ZNF558: variants seen among roughly 807,000 people sequenced by gnomAD.
ZNF558 encodes the protein zinc finger protein 558.
Under a neutral mutation model 37.6 loss-of-function variants are expected in ZNF558, and 23 were observed. The observed-to-expected ratio is 0.61, with a 90% CI of 0.44 to 0.87. The LOEUF (loss-of-function observed/expected upper bound fraction) is 0.87. Among genes scored for constraint, ZNF558 ranks in the 40% least tolerant of loss-of-function variants. The pLI, the probability that ZNF558 is intolerant of heterozygous loss-of-function variation, is 0.00. For missense variants in ZNF558, 429 were observed against 483.7 expected (o/e 0.89, Z 1.06); for synonymous variants, 189 against 174.4 (o/e 1.08, Z -0.66).
At position 8,832,215 on chromosome 19, in the gene ZNF558, C is replaced by T. The variant is rs1368640880; in HGVS notation, c.-599G>A. ...GCCCCCGCCAGTCGCTCACCGAGCC[C>T]GGCCCCTCCCGCGGGGCCAAAAGCG... On this transcript the variant is annotated 5_prime_UTR_variant, in exon 1 of 10. Transcript: ENST00000601372. 6.6e-6 allele frequency: 1 copy of T among 152,192 alleles called. No individual in the cohort carries two copies. Among genetic ancestry groups the T allele is most frequent in the African/African-American group, 2.4e-5 (1 of 41,456 alleles). The allele number at this position is 152,192 out of a possible 1,614,324, so 9.4% of individuals were successfully genotyped here.
rs996181488 is a variant in ZNF558 at position 8,822,278 on chromosome 19, C to A, written c.32-187G>T. On this transcript the variant is annotated intron_variant, in intron 5 of 9. Coordinates refer to ENST00000601372, the MANE Select transcript of ZNF558 (RefSeq NM_144693.3). The surrounding 1 kb of genome is among the most constrained non-coding windows in gnomAD (Gnocchi z 4.4). ...CCAAACACAGCCCTGTCTCACCAACCAAAGACAATAGGGCTCAAGGTCTGA... is the reference window on the plus strand; with the variant it reads ...CCAAACACAGCCCTGTCTCACCAACAAAAGACAATAGGGCTCAAGGTCTGA... 1.3e-5 allele frequency among the ~76,000 whole-genome samples: 2 copies of A among 152,174 alleles called. No individual in the cohort carries two copies. Among genetic ancestry groups the A allele is most frequent in the South Asian group, 2.1e-4 (1 of 4,828 alleles).
chr19:8,833,812 AC>A (rs1403177187), upstream of ZNF558, among the ~76,000 whole-genome samples: 1 of 152,018 alleles, frequency 6.6e-6, no homozygotes, highest in Non-Finnish European at 1.5e-5. Flanking sequence ...ACATGGTGAA[AC>A]CCCGTCTCTA....
chr19:8,818,163 G>A (rs2145225364), intron 7 of ZNF558, among the ~76,000 whole-genome samples: 1 of 152,240 alleles, frequency 6.6e-6, no homozygotes, highest in Non-Finnish European at 1.5e-5. Context: ...AATTAAAAAT[G>A]AGTAACAGGG....
intron 7 of ZNF558, among the ~76,000 whole-genome samples, chr19:8,819,588 C>T (rs1214579611): frequency 1.3e-5 from 2 of 152,112 alleles, no homozygotes; most frequent in Non-Finnish European, 2.9e-5. Flanking sequence ...ATTTGGTACC[C>T]AGAATATAAA....
Position 8,811,302 on chromosome 19 carries a change from T to A in ZNF558, c.1188A>T (p.Arg396Ser), listed in dbSNP as rs782581392. The part of the protein sequence containing the change: ...TSNSYLSVHK[R>S]IHNRWI ...TAATTCATATCCATCTATTATGTAT[T>A]CTCTTGTGCACAGAAAGATAGGAGT... is the stretch of plus-strand genomic sequence containing the variant. The change falls in exon 10 of 10, where the codon AGA becomes AGT. Residue 396 changes from arginine (R) to serine (S), a missense_variant. Coordinates refer to ENST00000601372, the MANE Select transcript of ZNF558 (RefSeq NM_144693.3). 10 of 1,586,180 alleles carry A rather than the reference T, an allele frequency of 6.3e-6. No individual in the cohort carries two copies. Among genetic ancestry groups the A allele is most frequent in the Non-Finnish European group, 4.3e-6 (5 of 1,167,998 alleles).
chr19:8,811,253 G>T lies in ZNF558; in HGVS notation c.*28C>A. ...TCTTAGGGATGAAAGATCAATGAGTGCTTTCCTCCAGAAGTTCCTGCAGTA... is the reference window on the plus strand; with the variant it reads ...TCTTAGGGATGAAAGATCAATGAGTTCTTTCCTCCAGAAGTTCCTGCAGTA... On this transcript the variant is annotated 3_prime_UTR_variant, in exon 10 of 10. Coordinates refer to ENST00000601372, the MANE Select transcript of ZNF558 (RefSeq NM_144693.3). The T allele has an allele frequency of 6.5e-7, 1 of 1,527,354 alleles. No homozygotes were observed. Among genetic ancestry groups the T allele is most frequent in the Non-Finnish European group, 8.8e-7 (1 of 1,138,006 alleles). 94.6% of individuals were successfully genotyped at this position (1,527,354 alleles called of 1,614,324 possible).
chr19:8,837,775 T>C, the ZNF558 span, among the ~76,000 whole-genome samples: 1 of 152,190 alleles, frequency 6.6e-6, no homozygotes. Flanking sequence ...AACTAGTAGC[T>C]TCCACCTAAC....
chr19:8,828,575 C>T (rs1021418181), intron 2 of ZNF558, among the ~76,000 whole-genome samples: 12 of 152,184 alleles, frequency 7.9e-5, no homozygotes, highest in African/African-American at 2.9e-4. Flanking sequence ...ACATCCTTGC[C>T]CTTTTAAGTC....
intron 2 of ZNF558, among the ~76,000 whole-genome samples, chr19:8,829,349 A>C (rs943178439): frequency 1.3e-5 from 2 of 152,184 alleles, no homozygotes; most frequent in African/African-American, 4.8e-5. Flanking sequence ...GTGCTGTGCA[A>C]TAAAAGCCTT....
chr19:8,812,695 G>T (rs2043826007), intron 8 of ZNF558, 52 bp from the exon 9 acceptor site: 1 of 1,225,000 alleles, frequency 8.2e-7, no homozygotes, highest in Non-Finnish European at 1.2e-6. Flanking sequence ...AAATGGAAAA[G>T]TGTACACATG....
At chr19:8,823,472 T>TCAG (rs2044153217) in intron 4 of ZNF558, among the ~76,000 whole-genome samples, 1 of 95,414 alleles carries the variant, frequency 1.0e-5, no homozygotes, top group Non-Finnish European at 2.0e-5. Flanking sequence ...CCCTCCTGCC[T>TCAG]TGGTCACCCC....
chr19:8,836,236 A>G (rs999785166), upstream of ZNF558, among the ~76,000 whole-genome samples: 10 of 152,218 alleles, frequency 6.6e-5, no homozygotes, highest in African/African-American at 2.2e-4. Flanking sequence ...TAAGAGAATA[A>G]AAGTGGAAAA....
intron 7 of ZNF558, among the ~76,000 whole-genome samples, chr19:8,819,766 T>C (rs999256463): frequency 3.9e-5 from 6 of 152,038 alleles, no homozygotes; most frequent in African/African-American, 1.4e-4. Flanking sequence ...AGCGAAACCC[T>C]GTCTCTATAA....
rs782788020 is a variant in ZNF558 at position 8,812,067 on chromosome 19, T to C, written c.427-4A>G. 2 of 1,551,590 alleles carry C rather than the reference T, an allele frequency of 1.3e-6. No homozygotes were observed. Among genetic ancestry groups the C allele is most frequent in the Non-Finnish European group, 1.7e-6 (2 of 1,152,792 alleles). ...TCACTCCACGATGACTTCTTTCCTG[T>C]GGATTAAGAGATGAATGATAACTAT... On this transcript the variant is annotated splice_region_variant and splice_polypyrimidine_tract_variant and intron_variant, in intron 9 of 9. Coordinates refer to ENST00000601372, the MANE Select transcript of ZNF558 (RefSeq NM_144693.3).
At position 8,809,655 on chromosome 19, in the gene ZNF558, A is replaced by G. The variant is rs1555767025; in HGVS notation, c.*1626T>C. ...TTGGAAATAACTTTTTGAATATGCA[A>G]TGTGTGGATGTCTTTAACAAGCAAA... On this transcript the variant is annotated 3_prime_UTR_variant, in exon 10 of 10. Transcript: ENST00000601372. 1 of 152,234 alleles carries G rather than the reference A, an allele frequency of 6.6e-6. No individual in the cohort carries two copies. Among genetic ancestry groups the G allele is most frequent in the African/African-American group, 2.4e-5 (1 of 41,456 alleles). The allele number at this position is 152,234 out of a possible 1,614,324, so 9.4% of individuals were successfully genotyped here.
chr19:8,827,594 TTGA>T (rs2044261560), intron 2 of ZNF558, among the ~76,000 whole-genome samples: 1 of 147,218 alleles, frequency 6.8e-6, no homozygotes, highest in African/African-American at 2.6e-5. Flanking sequence ...TTTTTTTTTT[TTGA>T]GGAGTCTCAC....
chr19:8,824,521 TC>T (rs1478600031), intron 3 of ZNF558, 104 bp from the exon 4 acceptor site: 1 of 152,270 alleles, frequency 6.6e-6, no homozygotes, highest in African/African-American at 2.4e-5. Context: ...CATCTCATTT[TC>T]AGCAGACAAT....
Position 8,811,109 on chromosome 19 carries a change from T to C in ZNF558, c.*172A>G, listed in dbSNP as rs2043774749. On this transcript the variant is annotated 3_prime_UTR_variant, in exon 10 of 10. Coordinates refer to ENST00000601372, the MANE Select transcript of ZNF558 (RefSeq NM_144693.3). ...CAGAGATAAGCTGTTCTTGAATTCC[T>C]GATCTGTAGAAATTGTTAGAGAATA... 2 of 608,400 alleles carry C rather than the reference T, an allele frequency of 3.3e-6. No homozygotes were observed. The highest frequency in any genetic ancestry group is 1.9e-5 in the African/African-American group (1 of 53,934). 37.7% of individuals were successfully genotyped at this position (608,400 alleles called of 1,614,324 possible).
intron 4 of ZNF558, among the ~76,000 whole-genome samples, chr19:8,823,278 C>G (rs143161559): frequency 1.3e-5 from 2 of 149,674 alleles, no homozygotes; most frequent in African/African-American, 2.4e-5. Flanking sequence ...TCAACTTCCA[C>G]GGCGTTCACT....
Sources: allele counts gnomAD v4.1 joint callset (sites outside exome capture counted in the v4.1 genomes callset), GRCh38; gene constraint gnomAD v4.1.1; non-coding constraint Gnocchi (gnomAD v3.1); transcripts MANE v1.5; gene names NCBI Gene and HGNC (gene_info 2026-07-23, HGNC 2026-07-21).